The following ROBO2 variants were observed in gnomAD, a reference collection of about 807,000 sequenced individuals.
The protein encoded by ROBO2 is roundabout guidance receptor 2.
ROBO2 carries 53 observed loss-of-function variants against 160.8 expected under a neutral mutation model. That is an observed-to-expected ratio of 0.33 (90% confidence interval 0.26 to 0.41). The LOEUF (loss-of-function observed/expected upper bound fraction) is 0.41, where lower values mean the gene tolerates loss of function less well. Ranked by LOEUF, ROBO2 falls within the 10% of genes least tolerant of loss-of-function variation. The probability of loss-of-function intolerance (pLI) is 1.00; values close to 1 mark genes in which losing one functional copy is unlikely to be tolerated. For missense variants in ROBO2, 1,577 were observed against 1,722.4 expected (o/e 0.92, Z 1.49); for synonymous variants, 664 against 611.7 (o/e 1.09, Z -1.26).
intron 2 of ROBO2, among the ~76,000 whole-genome samples, chr3:76,256,350 T>TCACA (rs1706379581): frequency 3.3e-5 from 2 of 60,200 alleles, no homozygotes; most frequent in Admixed American, 3.3e-4. Flanking sequence ...TCTCTCTCTC[T>TCACA]CTCACATACA....
At chr3:76,736,922 G>T (rs192686949) in intron 2 of ROBO2, among the ~76,000 whole-genome samples, 1 of 152,034 alleles carries the variant, frequency 6.6e-6, no homozygotes, top group Non-Finnish European at 1.5e-5. Flanking sequence ...AATATGTGAG[G>T]CAGAAAAGAA....
chr3:75,937,503 A>T lies in ROBO2; in HGVS notation c.10A>T (p.Arg4Ter). The T allele has an allele frequency of 1.3e-6, 2 of 1,567,942 alleles. No individual in the cohort carries two copies. The highest frequency in any genetic ancestry group is 1.7e-6 in the Non-Finnish European group (2 of 1,162,600). Reference sequence around the variant, plus strand: ...CAGAGTTTAAGATGCAATGGCCAGAAGACATGAACGTGTCACTAGAAGGAT... The same window carrying T: ...CAGAGTTTAAGATGCAATGGCCAGATGACATGAACGTGTCACTAGAAGGAT... Residue 4 changes from arginine (R) to a stop codon, truncating the protein, a stop_gained, in exon 2 of 27, where the codon AGA (arginine) becomes TGA (stop). Transcript: ENST00000487694. LOFTEE classifies it high-confidence loss of function.
At chr3:77,219,513 A>ATC (rs2085493869) in intron 2 of ROBO2, among the ~76,000 whole-genome samples, 1 of 138,038 alleles carries the variant, frequency 7.2e-6, no homozygotes, top group Non-Finnish European at 1.5e-5. Flanking sequence ...ATATATATAT[A>ATC]TCTGTGTGTG....
chr3:76,989,223 A>G (rs1457293112), intron 2 of ROBO2, among the ~76,000 whole-genome samples: 1 of 152,168 alleles, frequency 6.6e-6, no homozygotes, highest in African/African-American at 2.4e-5. Flanking sequence ...TGGTGAATGT[A>G]ATATAAATTT....
intron 2 of ROBO2, among the ~76,000 whole-genome samples, chr3:76,736,283 A>AAAAATAAAAT (rs61262841): frequency 0.11 from 12,820 of 119,382 alleles, 1,142 homozygotes; most frequent in Middle Eastern, 0.16. Context: ...CTCCGTCTCA[A>AAAAATAAAAT]AAAATAAAAT....
At chr3:76,490,909 G>T (rs13091068) in intron 2 of ROBO2, among the ~76,000 whole-genome samples, 1 of 151,768 alleles carries the variant, frequency 6.6e-6, no homozygotes, top group Non-Finnish European at 1.5e-5. Flanking sequence ...TAAATAAAAG[G>T]CAAATAGAAC....
At chr3:77,274,354 T>A (rs1248358171) in intron 2 of ROBO2, among the ~76,000 whole-genome samples, 1 of 152,132 alleles carries the variant, frequency 6.6e-6, no homozygotes, top group East Asian at 1.9e-4. Flanking sequence ...GTCAGGCAGA[T>A]GGGGAGTGCT....
rs577943945 is a variant in ROBO2 at position 76,327,375 on chromosome 3, C to A, written c.109+389773C>A. ...TTATGAATTTCCTTTCAATTTAATACTTGATATACATTTTAAAGTAAATTT... is the reference window on the plus strand; with the variant it reads ...TTATGAATTTCCTTTCAATTTAATAATTGATATACATTTTAAAGTAAATTT... On this transcript the variant is annotated intron_variant, in intron 2 of 26. Coordinates refer to the ROBO2 transcript ENST00000487694. 9.9e-5 allele frequency among the ~76,000 whole-genome samples: 15 copies of A among 152,022 alleles called. No homozygotes were observed. In the East Asian group the frequency reaches 2.7e-3, roughly 27 times the overall value.
chr3:77,564,425 A>G (rs2093422573), intron 11 of ROBO2: 1 of 455,518 alleles, frequency 2.2e-6, no homozygotes, highest in African/African-American at 2.0e-5. Flanking sequence ...AATATTCATT[A>G]CCTGCTTCCT....
At chr3:76,044,606 C>T (rs899122927) in intron 2 of ROBO2, among the ~76,000 whole-genome samples, 10 of 151,870 alleles carry the variant, frequency 6.6e-5, no homozygotes, top group Non-Finnish European at 4.4e-5. Flanking sequence ...TCTATTATGC[C>T]CCACTGTCCT....
intron 1 of ROBO2, among the ~76,000 whole-genome samples, chr3:75,907,885 CAGAG>C (rs1235721965): frequency 3.2e-4 from 38 of 118,374 alleles, no homozygotes; most frequent in Admixed American, 1.4e-3. Context: ...GTGTGTGTAT[CAGAG>C]AGACAAAATT....
chr3:76,800,741 T>A (rs568236961), intron 2 of ROBO2, among the ~76,000 whole-genome samples: 2 of 152,104 alleles, frequency 1.3e-5, no homozygotes, highest in South Asian at 4.2e-4. Flanking sequence ...GGTGGGGGTA[T>A]GGAGAAAGGG....
chr3:77,205,298 G>C (rs979074967), intron 2 of ROBO2, among the ~76,000 whole-genome samples: 1 of 152,016 alleles, frequency 6.6e-6, no homozygotes, highest in Non-Finnish European at 1.5e-5. Context: ...GGGGGCAATG[G>C]ACTGGGAAGA....
At chr3:77,385,686 G>A (rs2074025047) in intron 2 of ROBO2, among the ~76,000 whole-genome samples, 5 of 152,020 alleles carry the variant, frequency 3.3e-5, no homozygotes, top group Admixed American at 1.3e-4. Context: ...GAGGTCTTTG[G>A]GATGAATTCC....
intron 2 of ROBO2, among the ~76,000 whole-genome samples, chr3:77,476,218 G>T (rs547036583): frequency 6.6e-6 from 1 of 152,272 alleles, no homozygotes; most frequent in Admixed American, 6.5e-5. Flanking sequence ...CAACAAAGAA[G>T]CAGAGTGCTG....
At chr3:76,251,755 G>A (rs1369990429) in intron 2 of ROBO2, among the ~76,000 whole-genome samples, 1 of 152,014 alleles carries the variant, frequency 6.6e-6, no homozygotes, top group African/African-American at 2.4e-5. Flanking sequence ...TTTGAAGCTA[G>A]GATAAAATCC....
In ROBO2 at chr3:77,253,249, A is replaced by G. The variant is rs185176086; in HGVS notation, c.388+154909A>G. Among the ~76,000 whole-genome samples the G allele has an allele frequency of 4.1e-4, 62 of 152,282 alleles. No homozygotes were observed. The East Asian group carries it at 6.6e-3, about 16-fold the overall frequency. ...AAAAGATAATTGTGGTTCCTAAGAG[A>G]CTTTTAAAAAATGGATTTAGAAATT... On this transcript the variant is annotated intron_variant, in intron 2 of 25. Transcript: ENST00000461745.
chr3:77,513,711 T>G (rs2089677450), intron 5 of ROBO2, among the ~76,000 whole-genome samples: 1 of 151,804 alleles, frequency 6.6e-6, no homozygotes, highest in Admixed American at 6.6e-5. Flanking sequence ...TTCGTTTTCT[T>G]TTTTTCTTCC....
At chr3:76,634,522 C>G (rs1243947830) in intron 2 of ROBO2, among the ~76,000 whole-genome samples, 1 of 151,392 alleles carries the variant, frequency 6.6e-6, no homozygotes, top group Admixed American at 6.6e-5. Context: ...GAGCCGAGAT[C>G]GCGCCACTGC....
Sources: allele counts gnomAD v4.1 joint callset (sites outside exome capture counted in the v4.1 genomes callset), GRCh38; gene constraint gnomAD v4.1.1; transcripts MANE v1.5; gene names NCBI Gene and HGNC (gene_info 2026-07-23, HGNC 2026-07-21).